Variants in STAB2 observed in about 807,000 individuals in gnomAD.
The protein encoded by STAB2 is stabilin-2.
Under a neutral mutation model 338.1 loss-of-function variants are expected in STAB2, and 288 were observed. That is an observed-to-expected ratio of 0.85 (90% confidence interval 0.77 to 0.94). The LOEUF is 0.94. Ranked by LOEUF, STAB2 falls within the 40% of genes least tolerant of loss-of-function variation. The probability of loss-of-function intolerance (pLI) is 0.00; values close to 1 mark genes in which losing one functional copy is unlikely to be tolerated. For synonymous variants in STAB2, 1,202 were observed against 1,193.3 expected, an observed-to-expected ratio of 1.01 and a Z score of -0.15; for missense variants, 3,141 against 3,210.1, an observed-to-expected ratio of 0.98 and a Z score of 0.52.
chr12:103,651,103 C>T (rs1433156300), intron 11 of STAB2, among the ~76,000 whole-genome samples: 1 of 152,082 alleles, frequency 6.6e-6, no homozygotes, highest in Non-Finnish European at 1.5e-5. Flanking sequence ...GGGAATGAAA[C>T]TTGTAGTGCC....
At chr12:103,631,471 G>A in intron 5 of STAB2, 127 bp from the exon 6 acceptor site, 3 of 766,812 alleles carry the variant, frequency 3.9e-6, no homozygotes, top group Non-Finnish European at 6.3e-6. Flanking sequence ...GCTGATAAAA[G>A]AGAGAGGAGC....
intron 3 of STAB2, among the ~76,000 whole-genome samples, chr12:103,605,225 G>C (rs1049062996): frequency 2.0e-5 from 3 of 151,810 alleles, no homozygotes; most frequent in African/African-American, 7.3e-5. Flanking sequence ...AATTTGTGAG[G>C]TTAAGCTAAT....
At chr12:103,733,731 A>G (rs1240795873) in intron 51 of STAB2, among the ~76,000 whole-genome samples, 3 of 150,146 alleles carry the variant, frequency 2.0e-5, no homozygotes, top group Non-Finnish European at 3.0e-5. Context: ...GCACAATCAT[A>G]TAGGAATAAG....
intron 31 of STAB2, among the ~76,000 whole-genome samples, chr12:103,693,302 G>A (rs1294177112): frequency 4.6e-5 from 7 of 151,614 alleles, no homozygotes; most frequent in Non-Finnish European, 5.9e-5. Context: ...AAAAAAAAAA[G>A]CATGCACCTA....
intron 3 of STAB2, among the ~76,000 whole-genome samples, chr12:103,599,529 C>T (rs182405072): frequency 6.6e-6 from 1 of 152,322 alleles, no homozygotes; most frequent in Admixed American, 6.5e-5. Context: ...ACTCCCTCTG[C>T]AGGGTTGCCA....
Position 103,742,487 on chromosome 12 carries a change from C to T in STAB2, c.5964C>T (p.Cys1988=), listed in dbSNP as rs1252142634. ...ACTCGGCCACCGGAGAGTGTAAATGCAACACCGGCTTCAATGGGACGGCGT... is the reference window on the plus strand; with the variant it reads ...ACTCGGCCACCGGAGAGTGTAAATGTAACACCGGCTTCAATGGGACGGCGT... ...DQYSATGECK[C]NTGFNGTACE... Residue 1988 remains cysteine (C), a synonymous_variant, in exon 56 of 69, where the codon TGC becomes TGT. Transcript: ENST00000388887. The T allele has an allele frequency of 1.2e-6, 2 of 1,614,010 alleles. No individual in the cohort carries two copies. The highest frequency in any genetic ancestry group is 1.7e-5 in the Admixed American group (1 of 60,004).
chr12:103,764,727 A>G (rs1231314925), intron 68 of STAB2, among the ~76,000 whole-genome samples: 1 of 152,242 alleles, frequency 6.6e-6, no homozygotes, highest in Non-Finnish European at 1.5e-5. Context: ...TATAAATGCA[A>G]TAGACTGAAA....
At chr12:103,690,804 A>T (rs1877872876) in intron 30 of STAB2, among the ~76,000 whole-genome samples, 1 of 152,192 alleles carries the variant, frequency 6.6e-6, no homozygotes, top group African/African-American at 2.4e-5. Flanking sequence ...CCACAGACTA[A>T]CCCAGAAAGG....
intron 30 of STAB2, among the ~76,000 whole-genome samples, chr12:103,691,860 G>A (rs1317567699): frequency 7.8e-6 from 1 of 128,140 alleles, no homozygotes; most frequent in Non-Finnish European, 1.6e-5. Context: ...GGGAGAAGAG[G>A]AGAGGAAACC....
intron 4 of STAB2, among the ~76,000 whole-genome samples, chr12:103,621,758 C>T (rs1957305916): frequency 1.3e-5 from 2 of 152,150 alleles, no homozygotes; most frequent in African/African-American, 2.4e-5. Context: ...ATTTTCCTTT[C>T]CCCCTTGGGC....
chr12:103,688,069 T>A (rs906846308), intron 27 of STAB2, 99 bp from the exon 28 acceptor site: 1 of 1,183,556 alleles, frequency 8.4e-7, no homozygotes, highest in Admixed American at 1.7e-5. Flanking sequence ...GAAGGCTGAG[T>A]GCAGGTGACC....
chr12:103,620,445 A>T, intron 3 of STAB2, 23 bp from the exon 4 acceptor site: 4 of 1,562,840 alleles, frequency 2.6e-6, no homozygotes, highest in South Asian at 1.2e-5. Flanking sequence ...GAATGAATAC[A>T]TCTGAGCTGT....
At chr12:103,613,771 G>A (rs1325394163) in intron 3 of STAB2, among the ~76,000 whole-genome samples, 1 of 152,118 alleles carries the variant, frequency 6.6e-6, no homozygotes, top group Admixed American at 6.5e-5. Context: ...TCCGTCTTCT[G>A]CGTCGCTCAT....
chr12:103,745,357 G>T, intron 57 of STAB2, 80 bp downstream of exon 57: 1 of 1,296,756 alleles, frequency 7.7e-7, no homozygotes, highest in Non-Finnish European at 1.1e-6. Flanking sequence ...GAGGTTGGGA[G>T]TCTGAGTGAC....
intron 6 of STAB2, among the ~76,000 whole-genome samples, chr12:103,632,584 A>C (rs1460105937): frequency 6.6e-6 from 1 of 152,120 alleles, no homozygotes; most frequent in African/African-American, 2.4e-5. Context: ...CTATGTCGAG[A>C]GGGCTGTGGG....
intron 3 of STAB2, among the ~76,000 whole-genome samples, chr12:103,617,255 T>C (rs1384796353): frequency 6.6e-6 from 1 of 152,226 alleles, no homozygotes; most frequent in Non-Finnish European, 1.5e-5. Flanking sequence ...GGTAGGATCA[T>C]GGAAATAAGA....
At position 103,755,688 on chromosome 12, in the gene STAB2, G is replaced by A. The variant is rs141570058; in HGVS notation, c.6957G>A (p.Met2319Ile). ...SCSGNLLQVL[M>I]SFPSLTNFLT... ...GTGGGAACCTGCTGCAGGTCCTGAT[G>A]TCCTTCCCCTCACTCACAAACTTCC... Residue 2319 changes from methionine (M) to isoleucine (I), a missense_variant, in exon 63 of 69, where the codon ATG becomes ATA. Transcript: ENST00000388887. The A allele has an allele frequency of 6.2e-6, 10 of 1,614,042 alleles. No individual in the cohort carries two copies. The African/African-American group carries it at 1.2e-4, about 19-fold the overall frequency.
At chr12:103,694,037 G>A (rs1403183973) in intron 31 of STAB2, among the ~76,000 whole-genome samples, 1 of 151,740 alleles carries the variant, frequency 6.6e-6, no homozygotes. Flanking sequence ...TCAGTTATCT[G>A]TGTAGCCTCT....
intron 36 of STAB2, 131 bp from the exon 37 acceptor site, chr12:103,705,501 C>A: frequency 1.4e-6 from 1 of 701,266 alleles, no homozygotes; most frequent in Non-Finnish European, 2.4e-6. Flanking sequence ...GCAGTGCCAA[C>A]AAGCCACCAC....
Sources: gnomAD v4.1 joint callset for allele counts (sites outside exome capture counted in the v4.1 genomes callset) on GRCh38, gnomAD v4.1.1 for gene constraint, MANE v1.5 for transcripts, NCBI Gene and HGNC (gene_info 2026-07-23, HGNC 2026-07-21) for gene names.